Variants in ARHGAP23 observed in about 807,000 individuals in gnomAD.
The protein encoded by ARHGAP23 is rho GTPase-activating protein 23.
A neutral mutation model predicts 136.3 loss-of-function variants in ARHGAP23; 34 were observed. The observed-to-expected ratio is 0.25, with a 90% confidence interval of 0.19 to 0.33. The LOEUF is 0.33. ARHGAP23 is among the 10% of genes least tolerant of loss of function. The pLI is 1.00. For missense variants in ARHGAP23, 1,808 were observed against 2,139.0 expected (o/e 0.85, Z 3.05); for synonymous variants, 832 against 920.5 (o/e 0.90, Z 1.74).
chr17:38,426,386 C>CA (rs1333130032), upstream of ARHGAP23, among the ~76,000 whole-genome samples: 3 of 151,652 alleles, frequency 2.0e-5, no homozygotes, highest in Admixed American at 1.3e-4. Context: ...ACTAAAAATA[C>CA]AAAAAATTAA....
intron 11 of ARHGAP23, among the ~76,000 whole-genome samples, chr17:38,473,792 A>T (rs1266137064): frequency 6.6e-6 from 1 of 152,058 alleles, no homozygotes; most frequent in African/African-American, 2.4e-5. Context: ...GTCTCCTTAG[A>T]GGGTCCTGGG....
At chr17:38,428,409 C>A, upstream of ARHGAP23, 1 of 735,834 alleles carries the variant, frequency 1.4e-6, no homozygotes, top group Non-Finnish European at 1.8e-6. Flanking sequence ...CTCGGCCCCG[C>A]CCCCGGCCCC....
intron 1 of ARHGAP23, among the ~76,000 whole-genome samples, chr17:38,455,345 T>C (rs1285459147): frequency 9.9e-5 from 15 of 151,764 alleles, no homozygotes; most frequent in Admixed American, 9.8e-4. Flanking sequence ...AAGAGCCTAG[T>C]TGGAAGAGGT....
intron 1 of ARHGAP23, among the ~76,000 whole-genome samples, chr17:38,444,551 A>G (rs2038989751): frequency 1.3e-5 from 2 of 152,112 alleles, no homozygotes; most frequent in Admixed American, 6.5e-5. Flanking sequence ...GAGTTTGTGC[A>G]TGACTGGGGA....
chr17:38,462,790 T>G (rs1597789792), intron 3 of ARHGAP23, 56 bp from the exon 4 acceptor site: 2 of 1,250,120 alleles, frequency 1.6e-6, no homozygotes, highest in East Asian at 5.2e-5. Context: ...TGTGTAGCTG[T>G]GCATGGGTGT....
chr17:38,440,569 C>A (rs1160178306), intron 1 of ARHGAP23, among the ~76,000 whole-genome samples: 3 of 152,242 alleles, frequency 2.0e-5, no homozygotes, highest in Non-Finnish European at 4.4e-5. Context: ...CAGTTGGGAC[C>A]TGAAACCTGG....
At chr17:38,460,449 G>A (rs953526955) in intron 2 of ARHGAP23, among the ~76,000 whole-genome samples, 7 of 152,130 alleles carry the variant, frequency 4.6e-5, no homozygotes, top group African/African-American at 1.4e-4. Context: ...CTTGTCCACA[G>A]TGCCTTCTAC....
At chr17:38,471,475 C>G (rs2039756014) in intron 10 of ARHGAP23, among the ~76,000 whole-genome samples, 2 of 152,222 alleles carry the variant, frequency 1.3e-5, no homozygotes, top group South Asian at 4.1e-4. Flanking sequence ...ACATGACTAC[C>G]TGCTCCACTC....
At chr17:38,506,305 A>T (rs2040633221) in intron 23 of ARHGAP23, among the ~76,000 whole-genome samples, 1 of 152,214 alleles carries the variant, frequency 6.6e-6, no homozygotes, top group Non-Finnish European at 1.5e-5. Context: ...GAGCTTCTGT[A>T]ACTTGCCCCA....
rs1034147347 is a variant in ARHGAP23, at chr17:38,510,782, GC to G, written c.4292del (p.Pro1431ArgfsTer75). On this transcript the variant is annotated frameshift_variant, in exon 24 of 24. Transcript: ENST00000622683. LOFTEE classifies it high-confidence loss of function. The surrounding 1 kb of genome is among the most constrained non-coding windows in gnomAD (Gnocchi z 4.6). ...GAGTGGAAGGAGCTGGGCGGAGGGG[GC>G]CCCCCGGAGCCTGCGGGCGCGCGGG... The part of the protein sequence containing the change: ...FNEWKELGGG[G>X]PPEPAGARAH... 36 of 1,498,510 alleles carry G rather than the reference GC, an allele frequency of 2.4e-5. No homozygotes were observed. The highest frequency in any genetic ancestry group is 2.3e-4 in the Admixed American group (10 of 44,000). The allele number at this position is 1,498,510 out of a possible 1,614,324, so 92.8% of individuals were successfully genotyped here. A position where few individuals can be genotyped will look rare whatever the true frequency, so the allele number is the denominator to read the frequency against.
At chr17:38,481,389 C>T (rs547157654) in intron 14 of ARHGAP23, among the ~76,000 whole-genome samples, 115 of 152,186 alleles carry the variant, frequency 7.6e-4, no homozygotes, top group African/African-American at 2.4e-3. Flanking sequence ...CCTCGTGATC[C>T]GCCCGCCTCG....
At position 38,466,738 on chromosome 17, in the gene ARHGAP23, A is replaced by T; in HGVS notation, c.1055A>T (p.Asp352Val). 1.3e-6 allele frequency: 2 copies of T among 1,546,862 alleles called. No individual in the cohort carries two copies. Reference sequence around the variant, plus strand: ...GAGGGCTGGCACCGAGCTCGCTCAGATGACTACTTGAGCCGGGCCACCCGT... The same window carrying T: ...GAGGGCTGGCACCGAGCTCGCTCAGTTGACTACTTGAGCCGGGCCACCCGT... ...GQEGWHRARS[D>V]DYLSRATRSA... Residue 352 changes from aspartate to valine, a missense_variant, in exon 7 of 24, where the codon GAT (aspartate) becomes GTT (valine). Asp to Val is a radical substitution (Grantham distance 152). Coordinates refer to ENST00000622683, the MANE Select transcript of ARHGAP23 (RefSeq NM_001199417.2).
rs1455051246 is a variant in ARHGAP23, at chr17:38,463,103, G to T, written c.350-15G>T. The T allele has an allele frequency of 6.4e-7, 1 of 1,550,720 alleles. No individual in the cohort carries two copies. Among genetic ancestry groups the T allele is most frequent in the Non-Finnish European group, 8.7e-7 (1 of 1,146,496 alleles). On this transcript the variant is annotated splice_polypyrimidine_tract_variant and intron_variant, in intron 4 of 23. Coordinates refer to ENST00000622683, the MANE Select transcript of ARHGAP23 (RefSeq NM_001199417.2). ...GATGCCCTTTGGTCACCACTCATGC[G>T]CTCCTTGTCCCCAGGAGACCGGCTG...
chr17:38,458,385 G>A (rs1200247171), intron 2 of ARHGAP23, 122 bp downstream of exon 2: 26 of 1,313,418 alleles, frequency 2.0e-5, no homozygotes, highest in East Asian at 2.6e-5. Flanking sequence ...CCTGGGGTCC[G>A]GCCTGACTCC....
At chr17:38,483,032 G>T (rs1025300588) in intron 16 of ARHGAP23, among the ~76,000 whole-genome samples, 22 of 152,222 alleles carry the variant, frequency 1.4e-4, no homozygotes, top group Non-Finnish European at 2.5e-4. Flanking sequence ...CTGCTCAATG[G>T]TGTAGACGCG....
chr17:38,461,920 G>A (rs2039468830), intron 3 of ARHGAP23, among the ~76,000 whole-genome samples: 1 of 152,088 alleles, frequency 6.6e-6, no homozygotes, highest in Non-Finnish European at 1.5e-5. Flanking sequence ...CACTGGACAG[G>A]GAGCTCTGGA....
At chr17:38,445,080 A>G (rs1665344072) in intron 1 of ARHGAP23, among the ~76,000 whole-genome samples, 1 of 151,970 alleles carries the variant, frequency 6.6e-6, no homozygotes. Context: ...GGCCTTCCAA[A>G]GTGCTGGGAT....
At chr17:38,499,058 C>T in intron 22 of ARHGAP23, 2 of 681,626 alleles carry the variant, frequency 2.9e-6, no homozygotes, top group Middle Eastern at 3.8e-4. Context: ...GTGAGGACCC[C>T]ACGCTGACAT....
chr17:38,450,206 A>G (rs1171476651), intron 1 of ARHGAP23, among the ~76,000 whole-genome samples: 2 of 152,116 alleles, frequency 1.3e-5, no homozygotes, highest in Non-Finnish European at 1.5e-5. Context: ...AGGTTTCAGG[A>G]GCTGGGACAA....
Sources: allele counts gnomAD v4.1 joint callset (sites outside exome capture counted in the v4.1 genomes callset), GRCh38; gene constraint gnomAD v4.1.1; non-coding constraint Gnocchi (gnomAD v3.1); transcripts MANE v1.5; gene names NCBI Gene and HGNC (gene_info 2026-07-23, HGNC 2026-07-21).